CAMSAP3: variants seen among roughly 807,000 people sequenced by gnomAD.
The protein encoded by CAMSAP3 is calmodulin-regulated spectrin-associated protein 3.
Under a neutral mutation model 112.5 loss-of-function variants are expected in CAMSAP3, and 34 were observed. The observed-to-expected ratio is 0.30, with a 90% CI of 0.23 to 0.40. CAMSAP3 has a LOEUF of 0.40. Among genes scored for constraint, CAMSAP3 ranks in the 10% least tolerant of loss-of-function variants. The pLI is 1.00. For synonymous variants in CAMSAP3, 868 were observed against 799.8 expected (o/e 1.09, Z -1.44); for missense variants, 1,602 against 1,770.3 (o/e 0.90, Z 1.71).
chr19:7,605,799 T>TC (rs1189952639), intron 2 of CAMSAP3, among the ~76,000 whole-genome samples: 2 of 146,318 alleles, frequency 1.4e-5, no homozygotes, highest in Admixed American at 1.4e-4. Flanking sequence ...CAAACCTAGC[T>TC]CCTCCTATCA....
At chr19:7,614,794 G>A (rs2030693163) in intron 11 of CAMSAP3, 3 of 298,642 alleles carry the variant, frequency 1.0e-5, no homozygotes, top group South Asian at 3.4e-5. Context: ...TGCTCTGTAC[G>A]CCCACCTAGT....
chr19:7,615,800 G>A lies in CAMSAP3; in HGVS notation c.3112+81G>A, dbSNP rs1224315760. The stretch of plus-strand genomic sequence containing the variant: ...TGAGGCCCCCATGGGTAAGGGGGGA[G>A]GGGGAGGGAGATGTAAGCAGGGGTG... On this transcript the variant is annotated intron_variant, in intron 13 of 16. Transcript: ENST00000160298. The surrounding 1 kb of genome is among the most constrained non-coding windows in gnomAD (Gnocchi z 6.5). 1.0e-5 allele frequency: 11 copies of A among 1,078,258 alleles called. No homozygotes were observed. The African/African-American group carries it at 1.5e-4, about 15-fold the overall frequency. 66.8% of individuals were successfully genotyped at this position (1,078,258 alleles called of 1,614,324 possible).
chr19:7,614,872 G>C (rs1348835029), intron 11 of CAMSAP3: 1 of 492,858 alleles, frequency 2.0e-6, no homozygotes. Flanking sequence ...GGCCAGGCCG[G>C]GGTCCTCCCG....
At position 7,616,503 on chromosome 19, in the gene CAMSAP3, C is replaced by A. The variant is rs376466648; in HGVS notation, c.3113-20C>A. ...GGCAGGGGCTTCTGGTGGGCACTGA[C>A]CTGCAATCTCTGTCCCCAGGCTCTC... On this transcript the variant is annotated intron_variant, in intron 13 of 16. Coordinates refer to ENST00000160298, the MANE Select transcript of CAMSAP3 (RefSeq NM_020902.2). 314 of 1,572,832 alleles carry A rather than the reference C, an allele frequency of 2.0e-4. No individual in the cohort carries two copies. In the East Asian group the frequency reaches 4.1e-3, roughly 21 times the overall value.
rs754219110 is a variant in CAMSAP3, at chr19:7,610,094, G to A, written c.761-382G>A. 2.6e-5 allele frequency among the ~76,000 whole-genome samples: 4 copies of A among 152,160 alleles called. No individual in the cohort carries two copies. The highest frequency in any genetic ancestry group is 4.1e-4 in the South Asian group (2 of 4,822). Reference sequence around the variant, plus strand: ...AGCACTTTGGGTGGCTGAGGCGGCCGGATCATGAAGTCAGGAGATCGAGAC... The same window carrying A: ...AGCACTTTGGGTGGCTGAGGCGGCCAGATCATGAAGTCAGGAGATCGAGAC... On this transcript the variant is annotated intron_variant, in intron 5 of 16. Transcript: ENST00000160298. The surrounding 1 kb of genome is among the most constrained non-coding windows in gnomAD (Gnocchi z 4.9).
chr19:7,617,463 G>A lies in CAMSAP3; in HGVS notation c.3325+25G>A. On this transcript the variant is annotated intron_variant, in intron 15 of 16. Transcript: ENST00000160298. This position sits in a 1 kb window ranked among gnomAD's most constrained non-coding sequence, Gnocchi z 7.5. The stretch of plus-strand genomic sequence containing the variant: ...GGTAAGCAGGGGCTCTGGGTGATGT[G>A]AGGAGCAACAGGCACCCTCCTCCAC... 2 of 1,609,896 alleles carry A rather than the reference G, an allele frequency of 1.2e-6. No individual in the cohort carries two copies. Among genetic ancestry groups the A allele is most frequent in the South Asian group, 2.2e-5 (2 of 90,994 alleles).
intron 1 of CAMSAP3, among the ~76,000 whole-genome samples, chr19:7,597,745 T>C (rs1465582603): frequency 6.6e-6 from 1 of 152,130 alleles, no homozygotes; most frequent in Non-Finnish European, 1.5e-5. Flanking sequence ...TGATGAATAA[T>C]ATTAACGTTA....
Position 7,612,461 on chromosome 19 carries a change from C to G in CAMSAP3, c.1968C>G (p.Ala656=). 1 of 1,574,834 alleles carries G rather than the reference C, an allele frequency of 6.3e-7. No homozygotes were observed. The highest frequency in any genetic ancestry group is 1.2e-5 in the South Asian group (1 of 86,724). Reference sequence around the variant, plus strand: ...AGGCGGAAGCAGAGGCGGAGGAGGCCGATTCCGGTCCAGTCCCTGGTGGGG... The same window carrying G: ...AGGCGGAAGCAGAGGCGGAGGAGGCGGATTCCGGTCCAGTCCCTGGTGGGG... ...SGEAEAEAEE[A]DSGPVPGGER... is the part of the protein sequence containing the mutation. The change falls in exon 11 of 17, where the codon GCC becomes GCG. Residue 656 remains alanine (A), a synonymous_variant. Transcript: ENST00000160298.
Position 7,606,589 on chromosome 19 carries a change from A to C in CAMSAP3, c.621+18A>C. ...AGCCCTCGGTGAGGCCAGGGCATAGAACCGTCAGAAGGATGGGGGACCGGA... is the reference window on the plus strand; with the variant it reads ...AGCCCTCGGTGAGGCCAGGGCATAGCACCGTCAGAAGGATGGGGGACCGGA... On this transcript the variant is annotated intron_variant, in intron 4 of 16. Transcript: ENST00000160298. 6.6e-7 allele frequency: 1 copy of C among 1,520,358 alleles called. No individual in the cohort carries two copies. The highest frequency in any genetic ancestry group is 8.8e-7 in the Non-Finnish European group (1 of 1,137,366). 94.2% of individuals were successfully genotyped at this position (1,520,358 alleles called of 1,614,324 possible).
At chr19:7,605,130 C>T (rs1308425128) in intron 1 of CAMSAP3, 96 bp from the exon 2 acceptor site, 1 of 627,858 alleles carries the variant, frequency 1.6e-6, no homozygotes, top group Non-Finnish European at 2.4e-6. Flanking sequence ...CAGACACACT[C>T]TTAATCCGGG....
At chr19:7,614,259 C>CAAAAAAA (rs1173068955) in intron 11 of CAMSAP3, among the ~76,000 whole-genome samples, 2 of 18,766 alleles carry the variant, frequency 1.1e-4, no homozygotes, top group Non-Finnish European at 1.8e-4. Flanking sequence ...GACTCCATCT[C>CAAAAAAA]AAAAAAAAAA....
rs1263784495 is a variant in CAMSAP3, at chr19:7,612,561, C to G, written c.2068C>G (p.Pro690Ala). ...AGTGACCTTCTCGCCAGACCTGGGC[C>G]CGGTGCCCCACGAGGGGCTGGGGGA... Reference protein sequence around the residue: ...KAVTFSPDLGPVPHEGLGEYN... With the variant: ...KAVTFSPDLGAVPHEGLGEYN... The change falls in exon 11 of 17, where the codon CCG (proline) becomes GCG (alanine). Residue 690 changes from proline to alanine, a missense_variant. Around this residue, in one of 6 missense-constraint regions of CAMSAP3, gnomAD observed 1,100 missense variants for 1,135.7 expected, o/e 0.97. Coordinates refer to ENST00000160298, the MANE Select transcript of CAMSAP3 (RefSeq NM_020902.2). 5 of 1,535,374 alleles carry G rather than the reference C, an allele frequency of 3.3e-6. No homozygotes were observed. Among genetic ancestry groups the G allele is most frequent in the Admixed American group, 2.0e-5 (1 of 50,954 alleles).
At position 7,617,717 on chromosome 19, in the gene CAMSAP3, T is replaced by C. The variant is rs1374537435; in HGVS notation, c.3445-35T>C. On this transcript the variant is annotated intron_variant, in intron 16 of 16. Coordinates refer to ENST00000160298, the MANE Select transcript of CAMSAP3 (RefSeq NM_020902.2). The surrounding 1 kb of genome is among the most constrained non-coding windows in gnomAD (Gnocchi z 7.5). Reference sequence around the variant, plus strand: ...CTGGTGGGTGGGTGGGTGGCCTGACTTGGCCAGCTGACCATTTCCAGCACT... The same window carrying C: ...CTGGTGGGTGGGTGGGTGGCCTGACCTGGCCAGCTGACCATTTCCAGCACT... 6.2e-7 allele frequency: 1 copy of C among 1,612,736 alleles called. No homozygotes were observed. The highest frequency in any genetic ancestry group is 2.2e-5 in the East Asian group (1 of 44,868).
chr19:7,614,336 G>T (rs140233724), intron 11 of CAMSAP3, among the ~76,000 whole-genome samples: 21,235 of 103,844 alleles, frequency 0.2, 2,172 homozygotes, highest in Non-Finnish European at 0.26. Flanking sequence ...TTTTTTTTTT[G>T]TTTTGTTTTC....
rs775639273 is a variant in CAMSAP3 at position 7,607,781 on chromosome 19, C to T, written c.622-345C>T. 1.4e-5 allele frequency: 11 copies of T among 767,116 alleles called. No individual in the cohort carries two copies. Among genetic ancestry groups the T allele is most frequent in the South Asian group, 1.9e-5 (1 of 51,362 alleles). 47.5% of individuals were successfully genotyped at this position (767,116 alleles called of 1,614,324 possible). On this transcript the variant is annotated intron_variant, in intron 4 of 16. Transcript: ENST00000160298. The surrounding 1 kb of genome is among the most constrained non-coding windows in gnomAD (Gnocchi z 4.9). ...TGGGCTTGGGGGCCCAGCAGGTCAG[C>T]ACCCCTCCCCCTTGCTGATGGCTGC... is the stretch of plus-strand genomic sequence containing the variant.
intron 2 of CAMSAP3, 116 bp from the exon 3 acceptor site, chr19:7,606,155 C>CCCCCCCCCCCCCCCCCCA: frequency 1.8e-5 from 9 of 512,022 alleles, no homozygotes; most frequent in South Asian, 3.9e-5. Flanking sequence ...CCTCAAGCCC[C>CCCCCCCCCCCCCCCCCCA]ACCCCCCCCG....
chr19:7,600,027 T>C (rs1290514859), intron 1 of CAMSAP3, among the ~76,000 whole-genome samples: 1 of 4,906 alleles, frequency 2.0e-4, no homozygotes, highest in Non-Finnish European at 3.5e-4. Flanking sequence ...ACCCGCCCAC[T>C]CATCCATCCA....
At chr19:7,603,742 C>T (rs545615390) in intron 1 of CAMSAP3, among the ~76,000 whole-genome samples, 4 of 152,078 alleles carry the variant, frequency 2.6e-5, no homozygotes, top group Non-Finnish European at 5.9e-5. Context: ...CCCAGCTACT[C>T]AGGAGGCTGA....
intron 1 of CAMSAP3, among the ~76,000 whole-genome samples, chr19:7,596,931 G>A (rs1156374533): frequency 6.6e-6 from 1 of 152,078 alleles, no homozygotes; most frequent in Non-Finnish European, 1.5e-5. Flanking sequence ...CTGAGAGCCC[G>A]AGCCACCCTA....
Sources: allele counts gnomAD v4.1 joint callset (sites outside exome capture counted in the v4.1 genomes callset), GRCh38; gene constraint gnomAD v4.1.1; regional missense constraint gnomAD v4.1.1; non-coding constraint Gnocchi (gnomAD v3.1); transcripts MANE v1.5; gene names NCBI Gene and HGNC (gene_info 2026-07-23, HGNC 2026-07-21).